KLHL2: variants seen among roughly 807,000 people sequenced by gnomAD.
KLHL2 encodes kelch-like protein 2.
In KLHL2, 15 loss-of-function variants were observed where a neutral mutation model predicts 75.8. The observed-to-expected ratio is 0.20, with a 90% CI of 0.13 to 0.30. The LOEUF (loss-of-function observed/expected upper bound fraction) is 0.30, where lower values mean the gene tolerates loss of function less well. Ranked by LOEUF, KLHL2 falls within the 10% of genes least tolerant of loss-of-function variation. The probability of loss-of-function intolerance (pLI) is 1.00; values close to 1 mark genes in which losing one functional copy is unlikely to be tolerated. For missense variants in KLHL2, 381 were observed against 741.0 expected (o/e 0.51, Z 5.64); for synonymous variants, 214 against 251.9 (o/e 0.85, Z 1.42).
chr4:165,227,226 G>A (rs1324818672), intron 2 of KLHL2, among the ~76,000 whole-genome samples: 3 of 151,946 alleles, frequency 2.0e-5, no homozygotes, highest in Non-Finnish European at 4.4e-5. Context: ...CCATTAAACT[G>A]GTAACACACA....
chr4:165,270,026 T>A (rs900145066), intron 5 of KLHL2, among the ~76,000 whole-genome samples: 1 of 152,200 alleles, frequency 6.6e-6, no homozygotes, highest in Non-Finnish European at 1.5e-5. Flanking sequence ...TTCTTTTCAC[T>A]CTTTTTTCTC....
chr4:165,295,517 T>C (rs1744842708), intron 6 of KLHL2, among the ~76,000 whole-genome samples: 1 of 152,236 alleles, frequency 6.6e-6, no homozygotes, highest in Admixed American at 6.5e-5. Context: ...TAGAATTTGT[T>C]ACTCATAGAC....
chr4:165,235,589 A>G (rs889614145), intron 3 of KLHL2, among the ~76,000 whole-genome samples: 8 of 152,378 alleles, frequency 5.3e-5, no homozygotes, highest in Non-Finnish European at 8.8e-5. Flanking sequence ...GGTATCTACT[A>G]GATGTCAGAC....
intron 13 of KLHL2, among the ~76,000 whole-genome samples, chr4:165,315,821 G>A (rs189977511): frequency 2.6e-5 from 4 of 152,232 alleles, no homozygotes; most frequent in East Asian, 1.9e-4. Context: ...AATGTTAAGC[G>A]GGGAGAGGTG....
intron 5 of KLHL2, among the ~76,000 whole-genome samples, chr4:165,287,040 T>G (rs1744146950): frequency 6.6e-6 from 1 of 152,248 alleles, no homozygotes; most frequent in African/African-American, 2.4e-5. Context: ...TTAGCCATTT[T>G]AAGTGTTCCA....
chr4:165,254,060 C>G (rs944617767), intron 4 of KLHL2, among the ~76,000 whole-genome samples: 1 of 152,226 alleles, frequency 6.6e-6, no homozygotes, highest in African/African-American at 2.4e-5. Flanking sequence ...ACTCTGTCCA[C>G]TATGTGTTAA....
intron 3 of KLHL2, among the ~76,000 whole-genome samples, chr4:165,236,194 A>T (rs183339798): frequency 6.6e-6 from 1 of 152,362 alleles, no homozygotes; most frequent in Non-Finnish European, 1.5e-5. Flanking sequence ...AGAATCAAGG[A>T]TGACTCTCAC....
chr4:165,278,325 T>C, intron 5 of KLHL2: 1 of 1,103,418 alleles, frequency 9.1e-7, no homozygotes, highest in South Asian at 1.2e-5. Context: ...ATATACAGAA[T>C]GTCTGCTTGT....
chr4:165,289,130 T>A (rs1744312477), intron 5 of KLHL2, among the ~76,000 whole-genome samples: 1 of 152,164 alleles, frequency 6.6e-6, no homozygotes, highest in Admixed American at 6.5e-5. Context: ...GGAAGTGTGT[T>A]ACAAGCAACA....
chr4:165,309,986 T>G (rs1746023901), intron 9 of KLHL2, among the ~76,000 whole-genome samples: 1 of 152,172 alleles, frequency 6.6e-6, no homozygotes, highest in Non-Finnish European at 1.5e-5. Context: ...AAATTGATAT[T>G]TAAAAAAACC....
chr4:165,218,391 C>T (rs932462337), intron 1 of KLHL2, among the ~76,000 whole-genome samples: 14 of 152,162 alleles, frequency 9.2e-5, no homozygotes. Context: ...ACATATTGGC[C>T]TTTGCTGTAG....
rs755631703 is a variant in KLHL2 at position 165,314,078 on chromosome 4, T to G, written c.1521T>G (p.Pro507=). Residue 507 remains proline (P), a synonymous_variant, in exon 13 of 15, where the codon CCT becomes CCG. Transcript: ENST00000226725. ...ATGCTGTAGGAGGTCATGATGGCCCTTTAGTACGAAAAAGTGTTGAAGTAT... is the reference window on the plus strand; with the variant it reads ...ATGCTGTAGGAGGTCATGATGGCCCGTTAGTACGAAAAAGTGTTGAAGTAT... ...LLYAVGGHDG[P]LVRKSVEVYD... The G allele has an allele frequency of 5.0e-6, 8 of 1,613,758 alleles. No homozygotes were observed. Among genetic ancestry groups the G allele is most frequent in the South Asian group, 1.1e-5 (1 of 91,068 alleles).
intron 3 of KLHL2, among the ~76,000 whole-genome samples, chr4:165,232,804 T>G (rs546112301): frequency 5.5e-4 from 84 of 151,740 alleles, no homozygotes; most frequent in Non-Finnish European, 1.0e-3. Flanking sequence ...TTAGTGTATG[T>G]AGACTCATTT....
intron 5 of KLHL2, among the ~76,000 whole-genome samples, chr4:165,281,200 A>G (rs994284771): frequency 6.6e-6 from 1 of 152,126 alleles, no homozygotes; most frequent in Non-Finnish European, 1.5e-5. Context: ...GGTACTTTGT[A>G]CCTTATTACA....
At chr4:165,298,074 C>T (rs1340967537) in intron 7 of KLHL2, among the ~76,000 whole-genome samples, 20 of 152,166 alleles carry the variant, frequency 1.3e-4, no homozygotes, top group African/African-American at 2.7e-4. Flanking sequence ...CTACCCGCCT[C>T]GGCCTCCCAA....
intron 1 of KLHL2, among the ~76,000 whole-genome samples, chr4:165,214,883 A>C (rs1449109918): frequency 6.8e-6 from 1 of 146,842 alleles, no homozygotes; most frequent in Non-Finnish European, 1.5e-5. Context: ...GACTTGATGC[A>C]AGATCAGAAG....
intron 5 of KLHL2, among the ~76,000 whole-genome samples, chr4:165,292,028 A>G (rs542344487): frequency 6.6e-6 from 1 of 152,264 alleles, no homozygotes; most frequent in Non-Finnish European, 1.5e-5. Flanking sequence ...TAGATTATTT[A>G]TAATACCTAA....
intron 5 of KLHL2, among the ~76,000 whole-genome samples, chr4:165,290,839 T>C (rs1744453911): frequency 6.6e-6 from 1 of 152,118 alleles, no homozygotes; most frequent in Non-Finnish European, 1.5e-5. Context: ...AGGTGGCAGG[T>C]GCCTGTAATC....
intron 4 of KLHL2, among the ~76,000 whole-genome samples, chr4:165,245,267 G>A (rs932690703): frequency 6.6e-5 from 10 of 152,148 alleles, no homozygotes; most frequent in Non-Finnish European, 1.5e-4. Flanking sequence ...AATGTTTAGA[G>A]GTGAGTTACA....
Sources: allele counts gnomAD v4.1 joint callset (sites outside exome capture counted in the v4.1 genomes callset), GRCh38; gene constraint gnomAD v4.1.1; transcripts MANE v1.5; gene names NCBI Gene and HGNC (gene_info 2026-07-23, HGNC 2026-07-21).